DOCK8: variants seen among roughly 807,000 people sequenced by gnomAD.
The protein encoded by DOCK8 is dedicator of cytokinesis protein 8.
DOCK8 carries 141 observed loss-of-function variants against 245.6 expected under a neutral mutation model. The observed-to-expected ratio is 0.57, with a 90% CI of 0.50 to 0.66. The LOEUF is 0.66. Among genes scored for constraint, DOCK8 ranks in the 30% least tolerant of loss-of-function variants. The pLI is 0.00. For missense variants in DOCK8, 2,965 were observed against 2,603.4 expected (o/e 1.14, Z -3.02); for synonymous variants, 1,168 against 970.2 (o/e 1.20, Z -3.79).
intron 28 of DOCK8, among the ~76,000 whole-genome samples, chr9:413,667 C>T (rs918039503): frequency 4.6e-5 from 7 of 152,134 alleles, no homozygotes; most frequent in African/African-American, 1.2e-4. Flanking sequence ...CATCATTAGC[C>T]GTCAGGGAGA....
intron 2 of DOCK8, among the ~76,000 whole-genome samples, chr9:272,053 A>T (rs752183699): frequency 6.6e-6 from 1 of 152,198 alleles, no homozygotes; most frequent in African/African-American, 2.4e-5. Context: ...CACCATTTGT[A>T]GTATGCATTT....
intron 14 of DOCK8, among the ~76,000 whole-genome samples, chr9:361,916 T>A (rs1312179058): frequency 6.6e-6 from 1 of 152,148 alleles, no homozygotes; most frequent in Admixed American, 6.5e-5. Flanking sequence ...AAATTTTATT[T>A]TCTGCATTTT....
chr9:434,178 A>G (rs1161659493), intron 38 of DOCK8, among the ~76,000 whole-genome samples: 1 of 152,142 alleles, frequency 6.6e-6, no homozygotes, highest in Non-Finnish European at 1.5e-5. Context: ...AAAGTGAGGC[A>G]TAATAATGTT....
chr9:406,503 A>T (rs2055424222), intron 27 of DOCK8, among the ~76,000 whole-genome samples: 1 of 151,256 alleles, frequency 6.6e-6, no homozygotes, highest in Non-Finnish European at 1.5e-5. Context: ...AAAAAAAAAA[A>T]AAAAAAAGAA....
chr9:415,025 G>C, intron 29 of DOCK8, 74 bp downstream of exon 29: 3 of 1,568,468 alleles, frequency 1.9e-6, no homozygotes, highest in Middle Eastern at 2.3e-4. Flanking sequence ...TGAGATCTCT[G>C]TCATTCGTTC....
intron 44 of DOCK8, 146 bp downstream of exon 44, chr9:446,752 T>A: frequency 1.4e-6 from 1 of 740,620 alleles, no homozygotes; most frequent in African/African-American, 1.7e-5. Flanking sequence ...CCTTTCACTC[T>A]CATAGTGCCA....
At chr9:370,928 T>G (rs1362314811) in intron 16 of DOCK8, among the ~76,000 whole-genome samples, 1 of 152,246 alleles carries the variant, frequency 6.6e-6, no homozygotes, top group Non-Finnish European at 1.5e-5. Flanking sequence ...ATTACATACC[T>G]ACATTACTTT....
At position 382,622 on chromosome 9, in the gene DOCK8, C is replaced by A. The variant is rs532964243; in HGVS notation, c.2715C>A (p.Asn905Lys). ...AGGCCCGGGTGATGAGCAGCAGTAA[C>A]CCAGACCTCGCGGGGACACACTCCG... ...LLQARVMSSS[N>K]PDLAGTHSAA... is the part of the protein sequence containing the mutation. Residue 905 changes from asparagine (N) to lysine (K), a missense_variant, in exon 22 of 48, where the codon AAC (asparagine) becomes AAA (lysine). Asn to Lys is a moderately conservative substitution (Grantham distance 94). This residue lies in a region of DOCK8 where 2,825 missense variants were observed against 2,453.5 expected (regional missense o/e 1.15). Coordinates refer to ENST00000432829, the MANE Select transcript of DOCK8 (RefSeq NM_203447.4). 1 of 1,614,136 alleles carries A rather than the reference C, an allele frequency of 6.2e-7. No homozygotes were observed. Among genetic ancestry groups the A allele is most frequent in the Non-Finnish European group, 8.5e-7 (1 of 1,180,026 alleles).
At chr9:303,338 A>G (rs539552770) in intron 4 of DOCK8, among the ~76,000 whole-genome samples, 1 of 152,360 alleles carries the variant, frequency 6.6e-6, no homozygotes, top group South Asian at 2.1e-4. Flanking sequence ...ATGCACTCGT[A>G]TGTTCCTCAC....
At position 389,452 on chromosome 9, in the gene DOCK8, C is replaced by G. The variant is rs76673252; in HGVS notation, c.2875-1019C>G. 2.5e-3 allele frequency among the ~76,000 whole-genome samples: 382 copies of G among 152,250 alleles called. 2 individuals carry two copies. The highest frequency in any genetic ancestry group is 8.9e-3 in the African/African-American group (371 of 41,552). The stretch of plus-strand genomic sequence containing the variant: ...TTAAGGCTGATACTACTATGCCTTT[C>G]AGAGCCCAAGATCCTCTCATAAACC... On this transcript the variant is annotated intron_variant, in intron 23 of 47. Coordinates refer to ENST00000432829, the MANE Select transcript of DOCK8 (RefSeq NM_203447.4).
At chr9:413,452 CA>C (rs1354123853) in intron 28 of DOCK8, among the ~76,000 whole-genome samples, 4 of 151,894 alleles carry the variant, frequency 2.6e-5, no homozygotes, top group Admixed American at 2.0e-4. Flanking sequence ...AGGACACCAT[CA>C]AAAAAATGAA....
intron 40 of DOCK8, among the ~76,000 whole-genome samples, chr9:440,068 G>A (rs551119845): frequency 1.6e-3 from 236 of 152,228 alleles, no homozygotes; most frequent in African/African-American, 5.1e-3. Context: ...GCCCAGGCTG[G>A]AATGCAGTGG....
chr9:380,047 G>C, intron 21 of DOCK8, 112 bp downstream of exon 21: 1 of 1,133,638 alleles, frequency 8.8e-7, no homozygotes, highest in Non-Finnish European at 1.3e-6. Flanking sequence ...GCTCACATCT[G>C]CAACCCCAGC....
chr9:303,440 A>G (rs956834758), intron 4 of DOCK8, among the ~76,000 whole-genome samples: 6 of 152,226 alleles, frequency 3.9e-5, no homozygotes, highest in Non-Finnish European at 8.8e-5. Context: ...ATACACCATG[A>G]AATACCACAC....
chr9:351,346 T>C (rs543711505), intron 14 of DOCK8, among the ~76,000 whole-genome samples: 1 of 152,320 alleles, frequency 6.6e-6, no homozygotes, highest in Admixed American at 6.5e-5. Flanking sequence ...GAAGGACAGA[T>C]AGTTGGTCAC....
At chr9:216,950 A>G (rs950168285) in intron 1 of DOCK8, among the ~76,000 whole-genome samples, 3 of 152,120 alleles carry the variant, frequency 2.0e-5, no homozygotes, top group African/African-American at 4.8e-5. Flanking sequence ...ACTGTGCAAC[A>G]TTGGACATGT....
Position 396,916 on chromosome 9 carries a change from T to G in DOCK8, c.3102T>G (p.Leu1034=). 1 of 1,614,104 alleles carries G rather than the reference T, an allele frequency of 6.2e-7. No individual in the cohort carries two copies. Among genetic ancestry groups the G allele is most frequent in the Non-Finnish European group, 8.5e-7 (1 of 1,180,008 alleles). ...TGGTCACCTCGGAAATTGCAGCCCT[T>G]TTAGTAAAACCACAGAAGGTAACTG... ...VNVVTSEIAA[L]LVKPQKENEQ... Residue 1034 remains leucine (L), a synonymous_variant, in exon 25 of 48, where the codon CTT becomes CTG. Transcript: ENST00000432829.
chr9:233,053 T>C (rs2047156296), intron 1 of DOCK8, among the ~76,000 whole-genome samples: 1 of 152,230 alleles, frequency 6.6e-6, no homozygotes, highest in Non-Finnish European at 1.5e-5. Flanking sequence ...AATTTCCCTC[T>C]ACACACTGCT....
At chr9:285,604 C>G (rs989134939) in intron 2 of DOCK8, among the ~76,000 whole-genome samples, 15 of 152,254 alleles carry the variant, frequency 9.9e-5, no homozygotes, top group Admixed American at 9.8e-4. Flanking sequence ...ATTCCTAAGT[C>G]TTTGGATTTC....
Sources: gnomAD v4.1 joint callset for allele counts (sites outside exome capture counted in the v4.1 genomes callset) on GRCh38, gnomAD v4.1.1 for gene constraint, gnomAD v4.1.1 regional missense constraint, MANE v1.5 for transcripts, NCBI Gene and HGNC (gene_info 2026-07-23, HGNC 2026-07-21) for gene names.